Variants in TPP2 observed in about 807,000 individuals in gnomAD.
The protein encoded by TPP2 is tripeptidyl peptidase 2, also known as tripeptidyl-peptidase 2.
TPP2 carries 34 observed loss-of-function variants against 155.9 expected under a neutral mutation model. That is an observed-to-expected ratio of 0.22 (90% CI 0.17 to 0.29). The LOEUF (loss-of-function observed/expected upper bound fraction) is 0.29, where lower values mean the gene tolerates loss of function less well. TPP2 is among the 10% of genes least tolerant of loss of function. The pLI, the probability that TPP2 is intolerant of heterozygous loss-of-function variation, is 1.00. For synonymous variants in TPP2, 510 were observed against 529.4 expected (o/e 0.96, Z 0.50); for missense variants, 1,028 against 1,522.3 (o/e 0.68, Z 5.40).
intron 5 of TPP2, among the ~76,000 whole-genome samples, chr13:102,622,113 A>C (rs2139460565): frequency 6.6e-6 from 1 of 152,310 alleles, no homozygotes; most frequent in East Asian, 1.9e-4. Context: ...TTTATGATAA[A>C]TCATCTCTCT....
At chr13:102,637,878 GA>G (rs1215901629) in intron 14 of TPP2, among the ~76,000 whole-genome samples, 1 of 152,148 alleles carries the variant, frequency 6.6e-6, no homozygotes, top group Non-Finnish European at 1.5e-5. Flanking sequence ...CTCAGATGAA[GA>G]AAGCATCTGT....
intron 1 of TPP2, 146 bp downstream of exon 1, chr13:102,597,349 C>A: frequency 2.3e-6 from 1 of 438,542 alleles, no homozygotes; most frequent in South Asian, 9.3e-5. Context: ...GGGCAGAGGT[C>A]AGAGCCAGGC....
At chr13:102,653,771 C>T (rs1040454110) in intron 24 of TPP2, among the ~76,000 whole-genome samples, 1 of 152,156 alleles carries the variant, frequency 6.6e-6, no homozygotes, top group Non-Finnish European at 1.5e-5. Context: ...TTATGTGAAG[C>T]TTTTAAATTT....
chr13:102,611,514 A>G (rs144807236), intron 2 of TPP2, among the ~76,000 whole-genome samples: 1 of 152,282 alleles, frequency 6.6e-6, no homozygotes, highest in Non-Finnish European at 1.5e-5. Context: ...CCTCTCTGCT[A>G]AAAATACAAA....
intron 28 of TPP2, 107 bp from the exon 29 acceptor site, chr13:102,676,189 C>A: frequency 9.2e-7 from 1 of 1,084,650 alleles, no homozygotes; most frequent in Non-Finnish European, 1.3e-6. Context: ...GTACCATATT[C>A]ATTTCAAAAG....
intron 10 of TPP2, among the ~76,000 whole-genome samples, chr13:102,632,243 CTT>C (rs111570700): frequency 6.8e-6 from 1 of 146,876 alleles, no homozygotes; most frequent in Non-Finnish European, 1.5e-5. Context: ...TTTCATGAGA[CTT>C]TTTTTTTTTT....
chr13:102,650,994 G>A (rs1883447941), intron 23 of TPP2, among the ~76,000 whole-genome samples: 1 of 152,092 alleles, frequency 6.6e-6, no homozygotes, highest in South Asian at 2.1e-4. Context: ...TAACTTTGTT[G>A]CTTTTTATAA....
intron 4 of TPP2, 77 bp from the exon 5 acceptor site, chr13:102,618,645 G>T (rs2139451230): frequency 6.6e-7 from 1 of 1,512,368 alleles, no homozygotes; most frequent in East Asian, 2.4e-5. Context: ...GATTAACATT[G>T]TATCTTTGGC....
In TPP2 at chr13:102,638,580, G is replaced by A. The variant is rs567000254; in HGVS notation, c.1913+265G>A. Among the ~76,000 whole-genome samples, 20 of 152,234 alleles carry A rather than the reference G, an allele frequency of 1.3e-4. No individual in the cohort carries two copies. In the South Asian group the frequency reaches 4.1e-3, roughly 32 times the overall value. On this transcript the variant is annotated intron_variant, in intron 15 of 29. Coordinates refer to ENST00000376052, the MANE Select transcript of TPP2 (RefSeq NM_001330588.2). ...CCACAGTCACTCTGAGCTCTGCATT[G>A]CCCAGTTCAGAGGATAACTCAGGCT...
At chr13:102,622,772 T>A in intron 5 of TPP2, 105 bp from the exon 6 acceptor site, 1 of 1,212,286 alleles carries the variant, frequency 8.2e-7, no homozygotes, top group Non-Finnish European at 1.1e-6. Flanking sequence ...ATATTTGTTG[T>A]GGTAGAGGTA....
At chr13:102,601,361 A>G (rs1879416740) in intron 1 of TPP2, among the ~76,000 whole-genome samples, 1 of 152,122 alleles carries the variant, frequency 6.6e-6, no homozygotes, top group Admixed American at 6.5e-5. Context: ...ACTTCCCGCC[A>G]TTTGTTCTGG....
chr13:102,674,924 A>G (rs1885204002), intron 28 of TPP2, among the ~76,000 whole-genome samples: 1 of 152,122 alleles, frequency 6.6e-6, no homozygotes, highest in Admixed American at 6.5e-5. Context: ...CTCAGTAATT[A>G]TCATCTTGAT....
At chr13:102,626,122 C>T (rs1881603855) in intron 6 of TPP2, among the ~76,000 whole-genome samples, 1 of 152,036 alleles carries the variant, frequency 6.6e-6, no homozygotes, top group African/African-American at 2.4e-5. Context: ...AGTAATGTAC[C>T]CTCCCACCTC....
intron 27 of TPP2, among the ~76,000 whole-genome samples, chr13:102,668,757 A>G (rs1193830696): frequency 1.3e-5 from 2 of 152,240 alleles, no homozygotes; most frequent in African/African-American, 4.8e-5. Flanking sequence ...AATACCCAAA[A>G]GAGTTGCAGT....
intron 4 of TPP2, among the ~76,000 whole-genome samples, chr13:102,617,406 T>G (rs1018217347): frequency 1.3e-5 from 2 of 152,220 alleles, no homozygotes; most frequent in African/African-American, 4.8e-5. Flanking sequence ...TGAATTATTT[T>G]AAAAGTAATT....
chr13:102,609,847 CAG>C (rs1367542577), intron 2 of TPP2, among the ~76,000 whole-genome samples: 2 of 152,152 alleles, frequency 1.3e-5, no homozygotes, highest in East Asian at 3.9e-4. Context: ...TGGGTAGAGA[CAG>C]AGCCAAACCA....
intron 27 of TPP2, among the ~76,000 whole-genome samples, chr13:102,668,843 C>A (rs1884783751): frequency 6.6e-6 from 1 of 152,184 alleles, no homozygotes; most frequent in African/African-American, 2.4e-5. Flanking sequence ...ATTCATTCAG[C>A]CTTCTGAGTT....
At chr13:102,619,795 A>AC (rs1881021426) in intron 5 of TPP2, among the ~76,000 whole-genome samples, 1 of 152,204 alleles carries the variant, frequency 6.6e-6, no homozygotes, top group African/African-American at 2.4e-5. Context: ...GTGTATTCAT[A>AC]CATGTTGTTT....
At chr13:102,615,842 C>T (rs1880677857) in intron 3 of TPP2, among the ~76,000 whole-genome samples, 1 of 152,158 alleles carries the variant, frequency 6.6e-6, no homozygotes, top group African/African-American at 2.4e-5. Context: ...GAATATGATA[C>T]ATAAAAATAC....
Sources: allele counts gnomAD v4.1 joint callset (sites outside exome capture counted in the v4.1 genomes callset), GRCh38; gene constraint gnomAD v4.1.1; transcripts MANE v1.5; gene names NCBI Gene and HGNC (gene_info 2026-07-23, HGNC 2026-07-21).